The following PRLR variants were observed in gnomAD, a reference collection of about 807,000 sequenced individuals.
PRLR encodes the protein prolactin receptor.
PRLR carries 13 observed loss-of-function variants against 40.2 expected under a neutral mutation model. The ratio of observed to expected loss-of-function variants is 0.32; its 90% CI spans 0.21 to 0.51. The LOEUF (loss-of-function observed/expected upper bound fraction) is 0.51, where lower values mean the gene tolerates loss of function less well. Ranked by LOEUF, PRLR falls within the 20% of genes least tolerant of loss-of-function variation. The probability of loss-of-function intolerance (pLI) is 0.97; values close to 1 mark genes in which losing one functional copy is unlikely to be tolerated. For synonymous variants in PRLR, 269 were observed against 278.7 expected (o/e 0.97, Z 0.35); for missense variants, 656 against 747.3 (o/e 0.88, Z 1.42).
intron 1 of PRLR, among the ~76,000 whole-genome samples, chr5:35,167,607 T>A (rs1774879436): frequency 6.6e-6 from 1 of 152,110 alleles, no homozygotes; most frequent in Non-Finnish European, 1.5e-5. Context: ...TTAAACTGAC[T>A]ATTTAAAACA....
At chr5:35,185,294 T>C (rs1421463158) in intron 1 of PRLR, among the ~76,000 whole-genome samples, 3 of 152,226 alleles carry the variant, frequency 2.0e-5, no homozygotes, top group Non-Finnish European at 2.9e-5. Context: ...TATTTAGAGT[T>C]ATTTTATACA....
intron 1 of PRLR, among the ~76,000 whole-genome samples, chr5:35,193,404 C>CT (rs895847265): frequency 1.2e-4 from 19 of 152,180 alleles, no homozygotes; most frequent in Non-Finnish European, 2.6e-4. Flanking sequence ...GCAAAGCACT[C>CT]TATCATCTTA....
At chr5:35,173,208 G>T (rs1298155727) in intron 1 of PRLR, among the ~76,000 whole-genome samples, 1 of 152,154 alleles carries the variant, frequency 6.6e-6, no homozygotes, top group Non-Finnish European at 1.5e-5. Context: ...CCAAGGTCTT[G>T]TTTTCCATGG....
intron 1 of PRLR, among the ~76,000 whole-genome samples, chr5:35,221,274 C>T (rs1288914126): frequency 6.6e-6 from 1 of 152,114 alleles, no homozygotes; most frequent in Non-Finnish European, 1.5e-5. Context: ...ATTAACATAG[C>T]AATTGGGAAA....
chr5:35,112,944 G>C (rs66893440), intron 2 of PRLR, among the ~76,000 whole-genome samples: 17,892 of 152,096 alleles, frequency 0.12, 2,141 homozygotes, highest in African/African-American at 0.31. Flanking sequence ...CTGGGAGTGG[G>C]GCAATTCATA....
chr5:35,126,162 C>A (rs1335021888), intron 1 of PRLR, among the ~76,000 whole-genome samples: 1 of 152,178 alleles, frequency 6.6e-6, no homozygotes, highest in Non-Finnish European at 1.5e-5. Context: ...ATGGGAACAT[C>A]TTAAGCTATT....
chr5:35,090,830 A>G (rs1485654219), intron 2 of PRLR, among the ~76,000 whole-genome samples: 3 of 42,786 alleles, frequency 7.0e-5, no homozygotes, highest in Admixed American at 8.7e-4. Flanking sequence ...TTTTTTTTTG[A>G]GACAGAGTCT....
intron 1 of PRLR, among the ~76,000 whole-genome samples, chr5:35,171,499 A>T (rs1474354988): frequency 6.6e-6 from 1 of 152,090 alleles, no homozygotes; most frequent in African/African-American, 2.4e-5. Context: ...CTGTTTAGCA[A>T]CTGGGCTGTT....
At chr5:35,087,056 C>T (rs183998858) in intron 3 of PRLR, among the ~76,000 whole-genome samples, 288 of 152,054 alleles carry the variant, frequency 1.9e-3, no homozygotes, top group Admixed American at 2.6e-3. Flanking sequence ...TGCAGTGGTG[C>T]GATCTTGGCT....
At chr5:35,224,453 A>G (rs1239826427) in intron 1 of PRLR, among the ~76,000 whole-genome samples, 1 of 152,234 alleles carries the variant, frequency 6.6e-6, no homozygotes, top group Non-Finnish European at 1.5e-5. Flanking sequence ...ACTAAGATTC[A>G]TTCTTGTCAG....
intron 1 of PRLR, among the ~76,000 whole-genome samples, chr5:35,138,427 T>A (rs1287907692): frequency 1.3e-5 from 2 of 152,208 alleles, no homozygotes; most frequent in Non-Finnish European, 2.9e-5. Flanking sequence ...AGATGGGCAG[T>A]CAGGAAGTTT....
chr5:35,076,525 C>G (rs1770107607), intron 5 of PRLR, among the ~76,000 whole-genome samples: 1 of 152,082 alleles, frequency 6.6e-6, no homozygotes, highest in Admixed American at 6.5e-5. Context: ...AACAAGGCCT[C>G]CAAGATATAC....
chr5:35,065,102 T>G lies in PRLR; in HGVS notation c.1856A>C (p.His619Pro). The G allele has an allele frequency of 6.2e-7, 1 of 1,610,094 alleles. No homozygotes were observed. The highest frequency in any genetic ancestry group is 8.5e-7 in the Non-Finnish European group (1 of 1,177,170). The change falls in exon 10 of 10, where the codon CAC becomes CCC. Residue 619 changes from histidine (H) to proline (P), a missense_variant. Transcript: ENST00000618457. ...LDYLDPACFT[H>P]SFH The stretch of plus-strand genomic sequence containing the variant: ...TTAGTCAAGCTATCAGTGAAAGGAG[T>G]GTGTAAAACATGCGGGATCCAGGTA...
At chr5:35,211,464 T>A (rs955765881) in intron 1 of PRLR, among the ~76,000 whole-genome samples, 1 of 152,264 alleles carries the variant, frequency 6.6e-6, no homozygotes, top group East Asian at 1.9e-4. Context: ...TCATGAAGAT[T>A]TGAACTATTC....
At position 35,059,136 on chromosome 5, in the gene PRLR, A is replaced by G. The variant is rs1288198917; in HGVS notation, c.*5953T>C. 1 of 152,170 alleles carries G rather than the reference A, an allele frequency of 6.6e-6. No homozygotes were observed. Among genetic ancestry groups the G allele is most frequent in the East Asian group, 1.9e-4 (1 of 5,196 alleles). The allele number at this position is 152,170 out of a possible 1,614,324, so 9.4% of individuals were successfully genotyped here. On this transcript the variant is annotated 3_prime_UTR_variant, in exon 10 of 10. Coordinates refer to ENST00000618457, the MANE Select transcript of PRLR (RefSeq NM_000949.7). ...TATCCAAGTGAAGCGTAATTTGACC[A>G]TAACTATTAAAGGTTATTTTTTATA...
At chr5:35,178,680 T>G (rs1449637315) in intron 1 of PRLR, among the ~76,000 whole-genome samples, 1 of 152,224 alleles carries the variant, frequency 6.6e-6, no homozygotes, top group Non-Finnish European at 1.5e-5. Context: ...AGAAGATTTC[T>G]GTCTGTGAAT....
intron 1 of PRLR, among the ~76,000 whole-genome samples, chr5:35,194,039 G>A (rs1362671445): frequency 6.6e-6 from 1 of 152,174 alleles, no homozygotes; most frequent in Non-Finnish European, 1.5e-5. Context: ...CCTGGCTCAG[G>A]AGGTGTGTGT....
chr5:35,084,347 G>GT lies in PRLR; in HGVS notation c.373+122dup, dbSNP rs1166981777. On this transcript the variant is annotated intron_variant, in intron 5 of 9. Coordinates refer to ENST00000618457, the MANE Select transcript of PRLR (RefSeq NM_000949.7). The stretch of plus-strand genomic sequence containing the variant: ...GAACTGTTCTGTTGACAAGCATATC[G>GT]TGAGTTTTCTCATCTTTCTTTTTGG... 2.8e-5 allele frequency: 27 copies of GT among 957,724 alleles called. No homozygotes were observed. The East Asian group carries it at 6.6e-4, about 23-fold the overall frequency. The allele number at this position is 957,724 out of a possible 1,614,324, so 59.3% of individuals were successfully genotyped here.
intron 5 of PRLR, among the ~76,000 whole-genome samples, chr5:35,082,795 T>C (rs1211822810): frequency 6.6e-6 from 1 of 152,140 alleles, no homozygotes; most frequent in Non-Finnish European, 1.5e-5. Context: ...GTCCCAACAC[T>C]GTAGGCTGCA....
Sources: allele counts gnomAD v4.1 joint callset (sites outside exome capture counted in the v4.1 genomes callset), GRCh38; gene constraint gnomAD v4.1.1; transcripts MANE v1.5; gene names NCBI Gene and HGNC (gene_info 2026-07-23, HGNC 2026-07-21).